KALRN: variants seen among roughly 807,000 people sequenced by gnomAD.
KALRN encodes the protein kalirin RhoGEF kinase.
Under a neutral mutation model 353.7 loss-of-function variants are expected in KALRN, and 70 were observed. That is an observed-to-expected ratio of 0.20 (90% CI 0.16 to 0.24). KALRN has a LOEUF of 0.24. KALRN is among the 10% of genes least tolerant of loss of function. The probability of loss-of-function intolerance (pLI) is 1.00; values close to 1 mark genes in which losing one functional copy is unlikely to be tolerated. For synonymous variants in KALRN, 1,391 were observed against 1,434.8 expected, an observed-to-expected ratio of 0.97 and a Z score of 0.69; for missense variants, 2,791 against 3,756.7, an observed-to-expected ratio of 0.74 and a Z score of 6.72.
In KALRN at chr3:124,422,803, T is replaced by C. The variant is rs1039345670; in HGVS notation, c.2543-9T>C. On this transcript the variant is annotated splice_polypyrimidine_tract_variant and intron_variant, in intron 14 of 59. Coordinates refer to ENST00000682506, the MANE Select transcript of KALRN (RefSeq NM_001388419.1). ...TGGTTTTTAATTGTTTCCATTTTTT[T>C]AAAATCAGGAATTGAGTTGATCTGT... 2 of 1,612,118 alleles carry C rather than the reference T, an allele frequency of 1.2e-6. No homozygotes were observed. The highest frequency in any genetic ancestry group is 3.3e-5 in the Admixed American group (2 of 59,846).
intron 51 of KALRN, among the ~76,000 whole-genome samples, chr3:124,691,824 C>A (rs1442832033): frequency 1.3e-5 from 2 of 152,184 alleles, no homozygotes; most frequent in Admixed American, 6.5e-5. Flanking sequence ...CAGTGCTGCT[C>A]GTGGTTGATT....
intron 1 of KALRN, among the ~76,000 whole-genome samples, chr3:124,047,284 A>C (rs914720615): frequency 6.6e-6 from 1 of 152,218 alleles, no homozygotes; most frequent in Non-Finnish European, 1.5e-5. Flanking sequence ...AATGGCTATC[A>C]CATGATCTTT....
intron 33 of KALRN, among the ~76,000 whole-genome samples, chr3:124,553,494 T>C (rs1232430965): frequency 6.6e-6 from 1 of 152,246 alleles, no homozygotes; most frequent in African/African-American, 2.4e-5. Context: ...TTTCCAGTGT[T>C]GCACAGTCCA....
chr3:124,242,394 C>G (rs893830197), intron 3 of KALRN, among the ~76,000 whole-genome samples: 1 of 152,236 alleles, frequency 6.6e-6, no homozygotes, highest in East Asian at 1.9e-4. Context: ...GGCACACAGT[C>G]AGTATGATCT....
chr3:124,058,086 G>A (rs182232288), intron 1 of KALRN, among the ~76,000 whole-genome samples: 27 of 152,228 alleles, frequency 1.8e-4, no homozygotes, highest in Admixed American at 1.2e-3. Context: ...ATCAGATCTC[G>A]TGAGACTCAT....
intron 27 of KALRN, among the ~76,000 whole-genome samples, chr3:124,481,440 C>A (rs2061974798): frequency 1.3e-5 from 2 of 152,192 alleles, no homozygotes; most frequent in Admixed American, 1.3e-4. Context: ...CTACTGGATA[C>A]AAGTGATCCT....
chr3:124,124,303 G>A (rs1006377014), intron 1 of KALRN, among the ~76,000 whole-genome samples: 7 of 152,172 alleles, frequency 4.6e-5, no homozygotes, highest in African/African-American at 7.2e-5. Context: ...GGAAGACATA[G>A]CAAGAAAACT....
intron 1 of KALRN, among the ~76,000 whole-genome samples, chr3:124,119,956 C>T (rs1372206197): frequency 6.6e-6 from 1 of 152,164 alleles, no homozygotes; most frequent in Non-Finnish European, 1.5e-5. Context: ...GGTGTGCTCA[C>T]ACCTTGGGGA....
chr3:124,577,838 T>C (rs1239987598), intron 34 of KALRN, among the ~76,000 whole-genome samples: 1 of 151,246 alleles, frequency 6.6e-6, no homozygotes, highest in African/African-American at 2.4e-5. Context: ...TCAGCCTGGA[T>C]GACAGAGCAA....
chr3:124,299,987 A>G (rs1030867846), intron 6 of KALRN, among the ~76,000 whole-genome samples: 1 of 152,276 alleles, frequency 6.6e-6, no homozygotes, highest in Non-Finnish European at 1.5e-5. Context: ...CATTCCTCAT[A>G]TATCTGAAAA....
chr3:124,372,059 G>T (rs80271541), intron 10 of KALRN, among the ~76,000 whole-genome samples: 4 of 152,056 alleles, frequency 2.6e-5, no homozygotes, highest in Admixed American at 6.5e-5. Context: ...GTCTTTCTGT[G>T]CCTGGCTTAT....
At chr3:124,587,661 G>A (rs1457563949) in intron 34 of KALRN, among the ~76,000 whole-genome samples, 1 of 143,800 alleles carries the variant, frequency 7.0e-6, no homozygotes, top group Non-Finnish European at 1.5e-5. Context: ...TATGGAAAGC[G>A]ACTATCTTGT....
intron 34 of KALRN, among the ~76,000 whole-genome samples, chr3:124,608,343 T>C (rs973062112): frequency 2.0e-5 from 3 of 152,134 alleles, no homozygotes; most frequent in African/African-American, 7.2e-5. Flanking sequence ...TTTAAATGTT[T>C]ATTACAAATT....
intron 13 of KALRN, among the ~76,000 whole-genome samples, chr3:124,399,546 C>G (rs983858606): frequency 7.2e-5 from 11 of 152,158 alleles, no homozygotes; most frequent in African/African-American, 2.7e-4. Flanking sequence ...AATTTCACAG[C>G]TTTATGAATG....
At chr3:124,385,453 T>TA (rs1239385340) in intron 11 of KALRN, among the ~76,000 whole-genome samples, 1 of 152,254 alleles carries the variant, frequency 6.6e-6, no homozygotes, top group Non-Finnish European at 1.5e-5. Context: ...CTTGTAGGAC[T>TA]ACCAGCAAGG....
At chr3:124,227,765 G>A (rs1043280108) in intron 1 of KALRN, among the ~76,000 whole-genome samples, 4 of 140,550 alleles carry the variant, frequency 2.8e-5, no homozygotes, top group Non-Finnish European at 6.0e-5. Flanking sequence ...TCCTCTCCTT[G>A]AGAAGGACTA....
chr3:124,697,517 C>T, intron 54 of KALRN, 76 bp from the exon 55 acceptor site: 1 of 1,417,532 alleles, frequency 7.1e-7, no homozygotes, highest in Non-Finnish European at 9.4e-7. Context: ...GTAATGTTTC[C>T]TAGATGACTT....
At chr3:124,220,512 A>G (rs1337246955) in intron 1 of KALRN, among the ~76,000 whole-genome samples, 2 of 152,034 alleles carry the variant, frequency 1.3e-5, no homozygotes, top group Non-Finnish European at 2.9e-5. Context: ...TTGTGTTAAC[A>G]TAGGAAAGGA....
chr3:124,350,187 A>G (rs1252652444), intron 10 of KALRN, among the ~76,000 whole-genome samples: 1 of 152,198 alleles, frequency 6.6e-6, no homozygotes, highest in Non-Finnish European at 1.5e-5. Flanking sequence ...TTCAAGACCC[A>G]TGGCCATCCC....
Sources: gnomAD v4.1 joint callset for allele counts (sites outside exome capture counted in the v4.1 genomes callset) on GRCh38, gnomAD v4.1.1 for gene constraint, MANE v1.5 for transcripts, NCBI Gene and HGNC (gene_info 2026-07-23, HGNC 2026-07-21) for gene names.